THRB: variants seen among roughly 807,000 people sequenced by gnomAD.
THRB encodes the protein thyroid hormone receptor beta.
Under a neutral mutation model 47.8 loss-of-function variants are expected in THRB, and 12 were observed. The ratio of observed to expected loss-of-function variants is 0.25; its 90% CI spans 0.16 to 0.41. THRB has a LOEUF of 0.41. THRB is among the 10% of genes least tolerant of loss of function. The pLI is 1.00. For missense variants in THRB, 348 were observed against 589.2 expected (o/e 0.59, Z 4.24); for synonymous variants, 218 against 212.2 (o/e 1.03, Z -0.24).
In THRB at chr3:24,488,425, T is replaced by G. The variant is rs138867202; in HGVS notation, c.-261+6227A>C. Among the ~76,000 whole-genome samples the G allele has an allele frequency of 1.2e-4, 19 of 152,294 alleles. No individual in the cohort carries two copies. In the East Asian group the frequency reaches 3.5e-3, roughly 28 times the overall value. On this transcript the variant is annotated intron_variant, in intron 1 of 10. Coordinates refer to ENST00000646209, the MANE Select transcript of THRB (RefSeq NM_001354712.2). ...CATATGATATGAAATAAACTATAGA[T>G]AGTATTTGTTAAAATAGGATTAGGA...
chr3:24,389,518 T>C, intron 1 of THRB, among the ~76,000 whole-genome samples: 1 of 152,178 alleles, frequency 6.6e-6, no homozygotes. Flanking sequence ...TTTAACCCCC[T>C]CCTTCAAGGC....
Position 24,467,628 on chromosome 3 carries a change from G to A in THRB, c.-261+27024C>T, listed in dbSNP as rs115685921. 3.9e-3 allele frequency among the ~76,000 whole-genome samples: 598 copies of A among 152,312 alleles called. 6 individuals carry two copies. The highest frequency in any genetic ancestry group is 0.014 in the African/African-American group (579 of 41,554). ...TGAATCTTCATCACAGCTCTTAGGT[G>A]ACTAGATGCATTGTCAGTGAGGAGT... On this transcript the variant is annotated intron_variant, in intron 1 of 10. Transcript: ENST00000646209.
chr3:24,252,172 T>C (rs2050733116), intron 3 of THRB, among the ~76,000 whole-genome samples: 2 of 152,046 alleles, frequency 1.3e-5, no homozygotes, highest in African/African-American at 4.8e-5. Flanking sequence ...GTAAGAATAT[T>C]AAATATACGA....
intron 1 of THRB, among the ~76,000 whole-genome samples, chr3:24,389,574 C>A (rs571283108): frequency 6.6e-6 from 1 of 152,092 alleles, no homozygotes; most frequent in African/African-American, 2.4e-5. Flanking sequence ...AGGTTCTCAG[C>A]GAGATTTGTG....
intron 1 of THRB, among the ~76,000 whole-genome samples, chr3:24,434,042 T>C (rs1175171925): frequency 6.6e-6 from 1 of 152,108 alleles, no homozygotes; most frequent in Non-Finnish European, 1.5e-5. Context: ...TCCTCTCTGA[T>C]GGTTTATCTT....
chr3:24,427,239 C>T (rs2069858706), intron 1 of THRB, among the ~76,000 whole-genome samples: 1 of 152,012 alleles, frequency 6.6e-6, no homozygotes. Flanking sequence ...GAAGCACAAT[C>T]ACCCCTTCCC....
chr3:24,389,807 A>G (rs1451925020), intron 1 of THRB, among the ~76,000 whole-genome samples: 1 of 152,146 alleles, frequency 6.6e-6, no homozygotes, highest in Non-Finnish European at 1.5e-5. Context: ...TTATAAAAAT[A>G]GCTTCAGCAA....
chr3:24,443,869 CT>C (rs1319700074), intron 1 of THRB, among the ~76,000 whole-genome samples: 3 of 152,082 alleles, frequency 2.0e-5, no homozygotes, highest in East Asian at 1.9e-4. Context: ...AAATAAATTG[CT>C]TAATGTTACA....
intron 3 of THRB, among the ~76,000 whole-genome samples, chr3:24,256,206 G>C (rs1399278496): frequency 6.6e-6 from 1 of 152,134 alleles, no homozygotes; most frequent in Non-Finnish European, 1.5e-5. Context: ...AGAGGTCAAG[G>C]GAGATGAGGT....
chr3:24,391,799 T>C (rs1367093159), intron 1 of THRB, among the ~76,000 whole-genome samples: 1 of 152,188 alleles, frequency 6.6e-6, no homozygotes, highest in Non-Finnish European at 1.5e-5. Context: ...ATCACCATTA[T>C]TGCTTGAGCA....
chr3:24,168,003 C>T (rs2039879186), intron 5 of THRB, among the ~76,000 whole-genome samples: 1 of 152,008 alleles, frequency 6.6e-6, no homozygotes, highest in African/African-American at 2.4e-5. Context: ...TTAAAAAATC[C>T]TGAATTCCCT....
chr3:24,395,193 T>A (rs990013877), intron 1 of THRB, among the ~76,000 whole-genome samples: 3 of 152,016 alleles, frequency 2.0e-5, no homozygotes, highest in Admixed American at 1.3e-4. Context: ...GGAGAAAAAT[T>A]TCATGACCTT....
chr3:24,402,977 T>C (rs982935424), intron 1 of THRB, among the ~76,000 whole-genome samples: 1 of 151,978 alleles, frequency 6.6e-6, no homozygotes, highest in African/African-American at 2.4e-5. Context: ...ATATTTAAAA[T>C]AGTAAAAATT....
chr3:24,257,909 A>G (rs955051723), intron 3 of THRB, among the ~76,000 whole-genome samples: 4 of 152,244 alleles, frequency 2.6e-5, no homozygotes, highest in African/African-American at 9.6e-5. Context: ...TGCAATTAGA[A>G]GCTCAGTTAT....
At chr3:24,410,527 T>G (rs1232299964) in intron 1 of THRB, among the ~76,000 whole-genome samples, 3 of 151,726 alleles carry the variant, frequency 2.0e-5, no homozygotes, top group African/African-American at 7.3e-5. Context: ...CCTTTGACAA[T>G]AAAAAACAAA....
At chr3:24,443,373 G>C (rs971733216) in intron 1 of THRB, among the ~76,000 whole-genome samples, 1 of 151,808 alleles carries the variant, frequency 6.6e-6, no homozygotes, top group Non-Finnish European at 1.5e-5. Flanking sequence ...AAATAATCCC[G>C]ATACAGAGAA....
chr3:24,419,961 C>T (rs1163305837), intron 1 of THRB, among the ~76,000 whole-genome samples: 1 of 151,808 alleles, frequency 6.6e-6, no homozygotes, highest in East Asian at 2.0e-4. Context: ...GGCCCTGAAT[C>T]GAGGCTCCAC....
intron 5 of THRB, among the ~76,000 whole-genome samples, chr3:24,184,853 C>G (rs951505788): frequency 1.3e-5 from 2 of 152,170 alleles, no homozygotes; most frequent in Non-Finnish European, 2.9e-5. Context: ...TTTTAATCCT[C>G]CACCTTTTAA....
chr3:24,125,855 G>C (rs2032669546), intron 10 of THRB, among the ~76,000 whole-genome samples: 1 of 152,112 alleles, frequency 6.6e-6, no homozygotes, highest in South Asian at 2.1e-4. Context: ...CTAGAAGCAA[G>C]GTACAGGTCC....
Sources: allele counts gnomAD v4.1 joint callset (sites outside exome capture counted in the v4.1 genomes callset), GRCh38; gene constraint gnomAD v4.1.1; transcripts MANE v1.5; gene names NCBI Gene and HGNC (gene_info 2026-07-23, HGNC 2026-07-21).